ZNF90: variants seen among roughly 807,000 people sequenced by gnomAD.
ZNF90 encodes the protein zinc finger protein 90, also known as zinc finger protein HTF9.
In ZNF90, 11 loss-of-function variants were observed where a neutral mutation model predicts 12.0. That is an observed-to-expected ratio of 0.92 (90% CI 0.58 to 1.52). The LOEUF (loss-of-function observed/expected upper bound fraction) is 1.52. Ranked by LOEUF, ZNF90 falls within the 40% of genes most tolerant of loss-of-function variation. ZNF90 has a pLI of 0.00. For missense variants in ZNF90, 765 were observed against 711.5 expected (o/e 1.08, Z -0.86); for synonymous variants, 232 against 240.1 (o/e 0.97, Z 0.31).
rs1174122392 is a variant in ZNF90 at position 20,119,434 on chromosome 19, G to A, written c.*74G>A. On this transcript the variant is annotated 3_prime_UTR_variant, in exon 4 of 4. Transcript: ENST00000418063. ...AACCGTATAAATGTGATGACTGTTGGAAAGCCTTTGACCACCCCTCTACTC... is the reference window on the plus strand; with the variant it reads ...AACCGTATAAATGTGATGACTGTTGAAAAGCCTTTGACCACCCCTCTACTC... 5 of 1,350,590 alleles carry A rather than the reference G, an allele frequency of 3.7e-6. No individual in the cohort carries two copies. Among genetic ancestry groups the A allele is most frequent in the Non-Finnish European group, 5.0e-6 (5 of 997,220 alleles). The allele number at this position is 1,350,590 out of a possible 1,614,324, so 83.7% of individuals were successfully genotyped here. A position where few individuals can be genotyped will look rare whatever the true frequency, so the allele number is the denominator to read the frequency against.
At chr19:20,087,550 C>T (rs1166170421) in intron 1 of ZNF90, 3 of 152,386 alleles carry the variant, frequency 2.0e-5, no homozygotes, top group African/African-American at 7.2e-5. Flanking sequence ...GCAGGCTCTC[C>T]TCCTGCAGCT....
rs141328014 is a variant in ZNF90, at chr19:20,079,210, T to C, written c.3+1075T>C. 1.1e-4 allele frequency among the ~76,000 whole-genome samples: 16 copies of C among 152,144 alleles called. No individual in the cohort carries two copies. In the East Asian group the frequency reaches 2.1e-3, roughly 20 times the overall value. Reference sequence around the variant, plus strand: ...TAACTTCACTGTATTTTCCAACACTTAGTTTCAAAAACCCAGTGAATAACT... The same window carrying C: ...TAACTTCACTGTATTTTCCAACACTCAGTTTCAAAAACCCAGTGAATAACT... On this transcript the variant is annotated intron_variant, in intron 1 of 3. Coordinates refer to ENST00000418063, the MANE Select transcript of ZNF90 (RefSeq NM_007138.2).
chr19:20,078,846 G>T (rs1224597067), intron 1 of ZNF90, among the ~76,000 whole-genome samples: 1 of 152,138 alleles, frequency 6.6e-6, no homozygotes, highest in Non-Finnish European at 1.5e-5. Context: ...TTCCCGGCCA[G>T]GCGCGGTGGC....
At chr19:20,099,074 C>T (rs1555703555) in intron 1 of ZNF90, among the ~76,000 whole-genome samples, 8 of 152,106 alleles carry the variant, frequency 5.3e-5, no homozygotes. Flanking sequence ...AACAAATACA[C>T]GTGTCCAAAA....
chr19:20,086,370 G>C (rs1023269522), intron 1 of ZNF90, among the ~76,000 whole-genome samples: 2 of 151,530 alleles, frequency 1.3e-5, no homozygotes, highest in East Asian at 3.9e-4. Flanking sequence ...GAATAGCTGG[G>C]ATTACAGGTG....
chr19:20,081,763 TTTC>T (rs201837384), intron 1 of ZNF90, among the ~76,000 whole-genome samples: 3,255 of 151,456 alleles, frequency 0.021, 86 homozygotes, highest in African/African-American at 0.07. Context: ...TCTTTCTTTC[TTTC>T]TTCTTTTTTT....
intron 3 of ZNF90, among the ~76,000 whole-genome samples, chr19:20,106,782 A>G (rs1000509928): frequency 1.9e-4 from 29 of 152,220 alleles, no homozygotes; most frequent in Admixed American, 1.5e-3. Context: ...TTTAGAAGGT[A>G]AAGATCTTTT....
rs772083454 is a variant in ZNF90 at position 20,078,121 on chromosome 19, G to A, written c.-12G>A. 45 of 1,614,012 alleles carry A rather than the reference G, an allele frequency of 2.8e-5. No homozygotes were observed. Among genetic ancestry groups the A allele is most frequent in the African/African-American group, 4.0e-5 (3 of 74,916 alleles). On this transcript the variant is annotated 5_prime_UTR_variant, in exon 1 of 4. Transcript: ENST00000418063. ...GGAGATCCACAGCTGAGGGACCCCC[G>A]GAAGCCTAGAAATGGTGAGAGTGCC... is the stretch of plus-strand genomic sequence containing the variant.
At position 20,118,210 on chromosome 19, in the gene ZNF90, A is replaced by G. The variant is rs782278490; in HGVS notation, c.656A>G (p.His219Arg). 13 of 1,610,096 alleles carry G rather than the reference A, an allele frequency of 8.1e-6. No homozygotes were observed. In the African/African-American group the frequency reaches 1.1e-4, roughly 13 times the overall value. The change falls in exon 4 of 4, where the codon CAT (histidine) becomes CGT (arginine). Residue 219 changes from histidine to arginine, a missense_variant. Transcript: ENST00000418063. ...AFNRSSHLTS[H>R]KRIHTGEKRY... ...AACAGGTCCTCACACCTTACTTCAC[A>G]TAAGAGAATTCATACTGGAGAGAAA...
chr19:20,115,802 T>C (rs2089132018), intron 3 of ZNF90, among the ~76,000 whole-genome samples: 1 of 152,200 alleles, frequency 6.6e-6, no homozygotes, highest in Admixed American at 6.5e-5. Context: ...TATTTCTTGT[T>C]ATCCTCATTT....
At chr19:20,084,707 A>C (rs913722292) in intron 1 of ZNF90, among the ~76,000 whole-genome samples, 2 of 152,046 alleles carry the variant, frequency 1.3e-5, no homozygotes, top group African/African-American at 4.8e-5. Flanking sequence ...GTGGTGTCTC[A>C]TTGTGATTTT....
chr19:20,116,883 A>G (rs1555705712), intron 3 of ZNF90, among the ~76,000 whole-genome samples: 2 of 151,616 alleles, frequency 1.3e-5, no homozygotes, highest in Admixed American at 6.6e-5. Flanking sequence ...GTATATCACC[A>G]CTTCTTTAAG....
At chr19:20,104,102 G>A (rs942039263) in intron 1 of ZNF90, 137 bp from the exon 2 acceptor site, 2 of 1,298,192 alleles carry the variant, frequency 1.5e-6, no homozygotes, top group African/African-American at 1.5e-5. Flanking sequence ...GTTGGAAATT[G>A]TTTTATTGGA....
intron 3 of ZNF90, among the ~76,000 whole-genome samples, chr19:20,112,342 G>C (rs985666292): frequency 6.6e-6 from 1 of 151,008 alleles, no homozygotes; most frequent in Middle Eastern, 3.4e-3. Context: ...ATTTTTTTGA[G>C]ATGGAGTCTT....
intron 1 of ZNF90, chr19:20,080,353 C>T (rs941310956): frequency 1.1e-5 from 5 of 464,038 alleles, no homozygotes; most frequent in Non-Finnish European, 2.1e-5. Flanking sequence ...GGAGAAATTC[C>T]CCCGTCCAGC....
At chr19:20,091,286 C>T (rs2088900977) in intron 1 of ZNF90, among the ~76,000 whole-genome samples, 1 of 152,024 alleles carries the variant, frequency 6.6e-6, no homozygotes. Flanking sequence ...AGTAGAATAG[C>T]AGATGGAACA....
Position 20,119,553 on chromosome 19 carries a change from A to T in ZNF90, c.*193A>T, listed in dbSNP as rs891030178. ...AGGAAGTTCTCAACCCTTACTACAC[A>T]TAATTCATACTGGACGGAAACTCTA... On this transcript the variant is annotated 3_prime_UTR_variant, in exon 4 of 4. Coordinates refer to ENST00000418063, the MANE Select transcript of ZNF90 (RefSeq NM_007138.2). 1.7e-6 allele frequency: 1 copy of T among 573,386 alleles called. No individual in the cohort carries two copies. The highest frequency in any genetic ancestry group is 3.0e-6 in the Non-Finnish European group (1 of 331,856). The allele number at this position is 573,386 out of a possible 1,614,324, so 35.5% of individuals were successfully genotyped here.
chr19:20,112,210 A>C (rs1002101586), intron 3 of ZNF90, among the ~76,000 whole-genome samples: 4 of 150,342 alleles, frequency 2.7e-5, no homozygotes, highest in Non-Finnish European at 1.5e-5. Flanking sequence ...AGAACTTTAA[A>C]GGTTTCATGT....
At chr19:20,108,474 T>C (rs1391512996) in intron 3 of ZNF90, among the ~76,000 whole-genome samples, 1 of 152,152 alleles carries the variant, frequency 6.6e-6, no homozygotes, top group African/African-American at 2.4e-5. Context: ...CACTCCCGGC[T>C]AATTTTTGTA....
Sources: gnomAD v4.1 joint callset for allele counts (sites outside exome capture counted in the v4.1 genomes callset) on GRCh38, gnomAD v4.1.1 for gene constraint, MANE v1.5 for transcripts, NCBI Gene and HGNC (gene_info 2026-07-23, HGNC 2026-07-21) for gene names.